Variants in RBFOX3 observed in about 807,000 individuals in gnomAD.
RBFOX3 encodes RNA binding fox-1 homolog 3.
RBFOX3 carries 17 observed loss-of-function variants against 48.7 expected under a neutral mutation model. That is an observed-to-expected ratio of 0.35 (90% confidence interval 0.24 to 0.52). The LOEUF (loss-of-function observed/expected upper bound fraction) is 0.52. RBFOX3 is among the 20% of genes least tolerant of loss of function. RBFOX3 has a pLI of 0.94. For missense variants in RBFOX3, 382 were observed against 497.5 expected, an observed-to-expected ratio of 0.77 and a Z score of 2.21; for synonymous variants, 212 against 209.5, an observed-to-expected ratio of 1.01 and a Z score of -0.10.
intron 1 of RBFOX3, among the ~76,000 whole-genome samples, chr17:79,532,605 C>T (rs1160522362): frequency 1.3e-5 from 2 of 152,212 alleles, no homozygotes; most frequent in East Asian, 3.9e-4. Context: ...AGGCTAGGAG[C>T]CACTGAGGCC....
intron 1 of RBFOX3, among the ~76,000 whole-genome samples, chr17:79,560,577 C>G (rs903417004): frequency 1.3e-5 from 2 of 152,178 alleles, no homozygotes; most frequent in African/African-American, 4.8e-5. Context: ...TTGAAGAATA[C>G]GCACTCCAGG....
intron 2 of RBFOX3, among the ~76,000 whole-genome samples, chr17:79,329,389 G>A (rs1015045715): frequency 6.6e-6 from 1 of 152,082 alleles, no homozygotes; most frequent in Non-Finnish European, 1.5e-5. Context: ...CACTCCTGCC[G>A]GTGATCCTGT....
intron 2 of RBFOX3, among the ~76,000 whole-genome samples, chr17:79,438,974 T>G (rs1044633669): frequency 3.3e-5 from 5 of 152,210 alleles, no homozygotes; most frequent in African/African-American, 1.2e-4. Context: ...TTCTCCCTCC[T>G]CCCGAAACCA....
chr17:79,093,350 A>G (rs1331683749), intron 14 of RBFOX3, among the ~76,000 whole-genome samples: 1 of 151,970 alleles, frequency 6.6e-6, no homozygotes, highest in Non-Finnish European at 1.5e-5. Flanking sequence ...GGAAAAATAG[A>G]AAATCTTAAA....
intron 1 of RBFOX3, among the ~76,000 whole-genome samples, chr17:79,586,488 T>C (rs916971046): frequency 1.2e-4 from 18 of 152,334 alleles, no homozygotes; most frequent in African/African-American, 2.9e-4. Context: ...TACAGCGTTT[T>C]GGGGCGTGTT....
chr17:79,289,830 G>A (rs2072873326), intron 3 of RBFOX3, among the ~76,000 whole-genome samples: 1 of 152,222 alleles, frequency 6.6e-6, no homozygotes, highest in Non-Finnish European at 1.5e-5. Context: ...CTCTCTGGTG[G>A]CTTTCTGTAG....
chr17:79,407,852 G>C (rs778685089), intron 2 of RBFOX3, among the ~76,000 whole-genome samples: 18 of 152,190 alleles, frequency 1.2e-4, no homozygotes, highest in Admixed American at 2.6e-4. Context: ...GCTAAGACTA[G>C]AAACAACAGA....
chr17:79,333,984 C>T (rs1378639708), intron 2 of RBFOX3, among the ~76,000 whole-genome samples: 1 of 152,170 alleles, frequency 6.6e-6, no homozygotes, highest in Non-Finnish European at 1.5e-5. Context: ...ATGTCCCCAC[C>T]CCTCCCTTGG....
chr17:79,329,959 C>A (rs1001371618), intron 2 of RBFOX3, among the ~76,000 whole-genome samples: 2 of 152,196 alleles, frequency 1.3e-5, no homozygotes, highest in African/African-American at 4.8e-5. Context: ...CCCAGGAGCA[C>A]CTCTGTTCAC....
intron 1 of RBFOX3, among the ~76,000 whole-genome samples, chr17:79,596,510 C>A (rs1222242170): frequency 6.6e-6 from 1 of 152,142 alleles, no homozygotes; most frequent in South Asian, 2.1e-4. Context: ...GCACGGAAAC[C>A]CACCAGGGCC....
rs1339066201 is a variant in RBFOX3, at chr17:79,482,971, C to A, written c.-319-373G>T. Among the ~76,000 whole-genome samples the A allele has an allele frequency of 6.6e-6, 1 of 151,850 alleles. No homozygotes were observed. The highest frequency in any genetic ancestry group is 2.4e-5 in the African/African-American group (1 of 41,316). ...CCTTTCCCACTACCGCCCGCTCTTG[C>A]TTCCTCCCCCACCCAGCCTAGATTC... On this transcript the variant is annotated intron_variant, in intron 1 of 14. Coordinates refer to ENST00000693108, the MANE Select transcript of RBFOX3 (RefSeq NM_001350451.2). This position sits in a 1 kb window ranked among gnomAD's most constrained non-coding sequence, Gnocchi z 4.1.
intron 5 of RBFOX3, among the ~76,000 whole-genome samples, chr17:79,112,249 C>T (rs915794994): frequency 1.3e-5 from 2 of 152,188 alleles, no homozygotes; most frequent in South Asian, 2.1e-4. Context: ...GTCTCAGTGT[C>T]GGTGAGGGAC....
the RBFOX3 span, among the ~76,000 whole-genome samples, chr17:79,625,513 A>G: frequency 1.3e-5 from 2 of 152,312 alleles, no homozygotes; most frequent in Non-Finnish European, 2.9e-5. Flanking sequence ...GTTTGGGGCC[A>G]GGCGTGGTGG....
At chr17:79,139,112 C>G (rs12943169) in intron 4 of RBFOX3, among the ~76,000 whole-genome samples, 55,112 of 151,660 alleles carry the variant, frequency 0.36, 10,884 homozygotes, top group Non-Finnish European at 0.45. Context: ...CCACTCTCAC[C>G]CACACACGCA....
chr17:79,257,167 C>G (rs577134706), intron 3 of RBFOX3, among the ~76,000 whole-genome samples: 4 of 152,160 alleles, frequency 2.6e-5, no homozygotes, highest in African/African-American at 9.6e-5. Flanking sequence ...CAATCAATGC[C>G]GGGAAGTGAC....
At chr17:79,520,916 A>G (rs1490179338) in intron 1 of RBFOX3, among the ~76,000 whole-genome samples, 1 of 152,244 alleles carries the variant, frequency 6.6e-6, no homozygotes, top group African/African-American at 2.4e-5. Context: ...TCCTCAGAGC[A>G]AAATGCAACT....
At chr17:79,587,918 C>A (rs2093305485) in intron 1 of RBFOX3, among the ~76,000 whole-genome samples, 1 of 152,182 alleles carries the variant, frequency 6.6e-6, no homozygotes, top group South Asian at 2.1e-4. Context: ...CTCACTGCAA[C>A]CTTGAACTCC....
At chr17:79,495,149 G>A (rs943298537) in intron 1 of RBFOX3, among the ~76,000 whole-genome samples, 7 of 151,854 alleles carry the variant, frequency 4.6e-5, no homozygotes, top group Non-Finnish European at 1.0e-4. Context: ...TCCCCTCGAG[G>A]ATCTCCACAG....
At chr17:79,374,783 G>A (rs951247083) in intron 2 of RBFOX3, among the ~76,000 whole-genome samples, 2 of 152,226 alleles carry the variant, frequency 1.3e-5, no homozygotes, top group African/African-American at 4.8e-5. Context: ...TATTTTCTGG[G>A]AAAGATTTCT....
Sources: gnomAD v4.1 joint callset for allele counts (sites outside exome capture counted in the v4.1 genomes callset) on GRCh38, gnomAD v4.1.1 for gene constraint, Gnocchi (gnomAD v3.1) non-coding constraint, MANE v1.5 for transcripts, NCBI Gene and HGNC (gene_info 2026-07-23, HGNC 2026-07-21) for gene names.